VWA8: variants seen among roughly 807,000 people sequenced by gnomAD.
VWA8 encodes von Willebrand factor A domain-containing protein 8.
VWA8 carries 221 observed loss-of-function variants against 241.5 expected under a neutral mutation model. The observed-to-expected ratio is 0.91, with a 90% CI of 0.82 to 1.02. The LOEUF is 1.02. VWA8 is among the 50% of genes least tolerant of loss of function. The pLI is 0.00. For synonymous variants in VWA8, 852 were observed against 827.1 expected, an observed-to-expected ratio of 1.03 and a Z score of -0.52; for missense variants, 2,322 against 2,328.7, an observed-to-expected ratio of 1.00 and a Z score of 0.06.
intron 12 of VWA8, among the ~76,000 whole-genome samples, chr13:41,859,449 A>G (rs1357618259): frequency 6.6e-6 from 1 of 152,166 alleles, no homozygotes; most frequent in Non-Finnish European, 1.5e-5. Flanking sequence ...TTTTCACTAA[A>G]AGTCCCATAA....
chr13:41,689,397 T>A lies in VWA8; in HGVS notation c.4088A>T (p.Glu1363Val). The change falls in exon 34 of 45, where the codon GAG (glutamate) becomes GTG (valine). Residue 1363 changes from glutamate (E) to valine (V), a missense_variant. Transcript: ENST00000379310. ...IASPNRILSD[E>V]KNYATIVVGF... ...AACAACTATTGTAGCATAATTTTTC[T>A]CATCTGAGAGAATTCTGTTGGGAGA... 1 of 1,612,016 alleles carries A rather than the reference T, an allele frequency of 6.2e-7. No individual in the cohort carries two copies.
At chr13:41,734,910 A>T (rs959891154) in intron 21 of VWA8, among the ~76,000 whole-genome samples, 4 of 152,246 alleles carry the variant, frequency 2.6e-5, no homozygotes, top group Admixed American at 6.5e-5. Context: ...ATAAACTTTT[A>T]GTATGAATAA....
chr13:41,912,022 A>C lies in VWA8; in HGVS notation c.372+16T>G. The C allele has an allele frequency of 6.5e-7, 1 of 1,547,034 alleles. No individual in the cohort carries two copies. Among genetic ancestry groups the C allele is most frequent in the Non-Finnish European group, 8.7e-7 (1 of 1,147,324 alleles). On this transcript the variant is annotated intron_variant, in intron 3 of 44. Coordinates refer to ENST00000379310, the MANE Select transcript of VWA8 (RefSeq NM_015058.2). ...AAGTTAAGACCCTTAGAAATTGACA[A>C]GAATTAACTGCTCACCAAGTACTGC...
intron 12 of VWA8, among the ~76,000 whole-genome samples, chr13:41,841,858 T>TATATATATATATATATATATATAA (rs1566478201): frequency 1.5e-5 from 1 of 65,610 alleles, no homozygotes; most frequent in African/African-American, 8.0e-5. Context: ...TATATATATA[T>TATATATATATATATATATATATAA]AAAAACAGTA....
At chr13:41,704,760 C>G (rs1267015940) in intron 26 of VWA8, among the ~76,000 whole-genome samples, 1 of 152,094 alleles carries the variant, frequency 6.6e-6, no homozygotes, top group African/African-American at 2.4e-5. Flanking sequence ...TAAGCCAAGT[C>G]TTCACTTTTT....
chr13:41,879,125 C>A (rs578140491), intron 9 of VWA8, among the ~76,000 whole-genome samples: 3 of 152,052 alleles, frequency 2.0e-5, no homozygotes, highest in Non-Finnish European at 2.9e-5. Context: ...TACTCTACTT[C>A]GATGACCAAT....
At chr13:41,832,367 T>G (rs1216574184) in intron 13 of VWA8, among the ~76,000 whole-genome samples, 1 of 152,330 alleles carries the variant, frequency 6.6e-6, no homozygotes, top group Middle Eastern at 3.4e-3. Context: ...CTTGCAAACA[T>G]GCAAGAGATA....
intron 14 of VWA8, among the ~76,000 whole-genome samples, chr13:41,826,312 G>T (rs1040705962): frequency 3.3e-5 from 5 of 152,184 alleles, no homozygotes; most frequent in African/African-American, 9.6e-5. Context: ...CAACAAAGAA[G>T]AATCATTGTT....
Position 41,887,181 on chromosome 13 carries a change from C to T in VWA8, c.816+16G>A, listed in dbSNP as rs775276337. ...AAAAACTGTTTAACAAATAAATTAT[C>T]CTTGGTCTTACTTACCTTGAAGGGT... On this transcript the variant is annotated intron_variant, in intron 6 of 44. Transcript: ENST00000379310. 7 of 1,596,684 alleles carry T rather than the reference C, an allele frequency of 4.4e-6. No individual in the cohort carries two copies. The highest frequency in any genetic ancestry group is 1.7e-4 in the Middle Eastern group (1 of 6,034).
At chr13:41,865,186 A>G (rs891484150) in intron 12 of VWA8, 3 of 204,514 alleles carry the variant, frequency 1.5e-5, no homozygotes, top group South Asian at 1.2e-4. Flanking sequence ...TCACTTTGTA[A>G]TTGACACATA....
chr13:41,857,541 T>C (rs1000497622), intron 12 of VWA8, among the ~76,000 whole-genome samples: 1 of 152,204 alleles, frequency 6.6e-6, no homozygotes, highest in Non-Finnish European at 1.5e-5. Flanking sequence ...AACTATTCTA[T>C]ACAATGTATA....
At chr13:41,762,618 T>C (rs1372693114) in intron 20 of VWA8, among the ~76,000 whole-genome samples, 1 of 152,126 alleles carries the variant, frequency 6.6e-6, no homozygotes, top group Non-Finnish European at 1.5e-5. Context: ...ACTGGGGCAA[T>C]GCATGGTATA....
At chr13:41,689,568 TG>T in intron 33 of VWA8, 60 bp from the exon 34 acceptor site, 1 of 1,424,032 alleles carries the variant, frequency 7.0e-7, no homozygotes, top group South Asian at 1.7e-5. Context: ...ATTAATTTTT[TG>T]CAAGATTTTA....
intron 40 of VWA8, among the ~76,000 whole-genome samples, chr13:41,597,848 C>G (rs1209571722): frequency 6.6e-6 from 1 of 151,926 alleles, no homozygotes; most frequent in Admixed American, 6.6e-5. Context: ...AGGCCCCACA[C>G]TGAGGAGTCA....
At position 41,883,561 on chromosome 13, in the gene VWA8, C is replaced by T. The variant is rs182867620; in HGVS notation, c.976-70G>A. The T allele has an allele frequency of 5.4e-5, 63 of 1,169,998 alleles. No individual in the cohort carries two copies. In the Admixed American group the frequency reaches 1.0e-3, roughly 19 times the overall value. The allele number at this position is 1,169,998 out of a possible 1,614,324, so 72.5% of individuals were successfully genotyped here. Reference sequence around the variant, plus strand: ...AATCACAGAAAACATCTGAAATGTACATATGACATTAAAATTGACTTATAA... The same window carrying T: ...AATCACAGAAAACATCTGAAATGTATATATGACATTAAAATTGACTTATAA... On this transcript the variant is annotated intron_variant, in intron 8 of 44. Transcript: ENST00000379310.
intron 3 of VWA8, 64 bp downstream of exon 3, chr13:41,911,974 C>A: frequency 2.2e-6 from 3 of 1,382,654 alleles, no homozygotes; most frequent in Non-Finnish European, 9.5e-7. Flanking sequence ...AATTCTTAAT[C>A]TTATTTTATT....
chr13:41,903,547 G>A (rs1875560094), intron 4 of VWA8, among the ~76,000 whole-genome samples: 3 of 152,088 alleles, frequency 2.0e-5, no homozygotes, highest in African/African-American at 7.2e-5. Context: ...CATGGCCAGT[G>A]GCTACTTTAG....
intron 20 of VWA8, among the ~76,000 whole-genome samples, chr13:41,765,128 G>A (rs753833130): frequency 6.6e-6 from 1 of 152,020 alleles, no homozygotes; most frequent in Non-Finnish European, 1.5e-5. Flanking sequence ...TTGGGCAATC[G>A]AGTGGCAGGT....
chr13:41,625,782 C>T (rs543275728), intron 37 of VWA8, among the ~76,000 whole-genome samples: 12 of 151,856 alleles, frequency 7.9e-5, no homozygotes, highest in Admixed American at 6.6e-4. Flanking sequence ...CACATGAACA[C>T]GTATGTTTAT....
Sources: allele counts gnomAD v4.1 joint callset (sites outside exome capture counted in the v4.1 genomes callset), GRCh38; gene constraint gnomAD v4.1.1; transcripts MANE v1.5; gene names NCBI Gene and HGNC (gene_info 2026-07-23, HGNC 2026-07-21).